Variants in KCNAB1 observed in about 807,000 individuals in gnomAD.
The protein encoded by KCNAB1 is voltage-gated potassium channel subunit beta-1.
A neutral mutation model predicts 64.6 loss-of-function variants in KCNAB1; 35 were observed. That is an observed-to-expected ratio of 0.54 (90% confidence interval 0.41 to 0.72). The LOEUF is 0.72. Among genes scored for constraint, KCNAB1 ranks in the 30% least tolerant of loss-of-function variants. KCNAB1 has a pLI of 0.00. For synonymous variants in KCNAB1, 177 were observed against 183.8 expected (o/e 0.96, Z 0.30); for missense variants, 401 against 512.9 (o/e 0.78, Z 2.11).
rs370741753 is a variant in KCNAB1, at chr3:156,531,390, C to G, written c.1082-19C>G. On this transcript the variant is annotated intron_variant, in intron 12 of 13. Coordinates refer to ENST00000490337, the MANE Select transcript of KCNAB1 (RefSeq NM_172160.3). ...TTGGAAGTGCTTTGATAAACTGACC[C>G]AGTGTCCTCTCCTCCCAGCGTGGTG... The G allele has an allele frequency of 3.0e-5, 48 of 1,581,202 alleles. No individual in the cohort carries two copies. In the African/African-American group the frequency reaches 6.3e-4, roughly 21 times the overall value.
At chr3:156,398,961 C>T (rs1377041274) in intron 1 of KCNAB1, among the ~76,000 whole-genome samples, 4 of 152,078 alleles carry the variant, frequency 2.6e-5, no homozygotes, top group Non-Finnish European at 5.9e-5. Context: ...CCATGATTGG[C>T]CACCCAGATG....
intron 1 of KCNAB1, among the ~76,000 whole-genome samples, chr3:156,315,435 C>T (rs1301628030): frequency 6.6e-6 from 1 of 152,176 alleles, no homozygotes; most frequent in African/African-American, 2.4e-5. Flanking sequence ...ACCAGGAGCA[C>T]CTTGCTCACT....
At chr3:156,436,716 T>C (rs1376017394) in intron 2 of KCNAB1, among the ~76,000 whole-genome samples, 1 of 152,234 alleles carries the variant, frequency 6.6e-6, no homozygotes, top group Non-Finnish European at 1.5e-5. Flanking sequence ...AATGTCTTCT[T>C]TTGAGAAGTG....
At chr3:156,521,357 GATCA>G (rs766949320) in intron 11 of KCNAB1, among the ~76,000 whole-genome samples, 2 of 152,124 alleles carry the variant, frequency 1.3e-5, no homozygotes, top group Non-Finnish European at 2.9e-5. Context: ...GAGGTGTCAT[GATCA>G]ATCTGAAAAA....
intron 1 of KCNAB1, among the ~76,000 whole-genome samples, chr3:156,122,668 G>A (rs775052045): frequency 2.3e-4 from 35 of 152,144 alleles, no homozygotes; most frequent in Non-Finnish European, 3.8e-4. Flanking sequence ...TGTTTCCCTT[G>A]TTTAGTAAAA....
chr3:156,179,626 C>T (rs182066705), intron 1 of KCNAB1, among the ~76,000 whole-genome samples: 45 of 152,254 alleles, frequency 3.0e-4, no homozygotes, highest in Non-Finnish European at 5.0e-4. Flanking sequence ...CATGAAATGA[C>T]TCTGTAAAAG....
In KCNAB1 at chr3:156,284,991, G is replaced by C. The variant is rs866016301; in HGVS notation, c.276-136625G>C. 5.9e-5 allele frequency among the ~76,000 whole-genome samples: 9 copies of C among 152,150 alleles called. 2 individuals carry two copies. In the Middle Eastern group the frequency reaches 0.024, roughly 403 times the overall value. On this transcript the variant is annotated intron_variant, in intron 1 of 13. Transcript: ENST00000490337. ...ATTCGGCCATCTTGGCTCCTCCCCC[G>C]GGGAATACTTTAACCAATTTTTTTC...
At chr3:156,294,254 AAGTT>A (rs1312516007) in intron 1 of KCNAB1, among the ~76,000 whole-genome samples, 2 of 152,190 alleles carry the variant, frequency 1.3e-5, no homozygotes, top group South Asian at 4.1e-4. Flanking sequence ...CTCTAACAAA[AAGTT>A]AGCCACTGGG....
intron 1 of KCNAB1, among the ~76,000 whole-genome samples, chr3:156,299,774 A>T (rs964518263): frequency 6.6e-6 from 1 of 152,138 alleles, no homozygotes. Flanking sequence ...CACACAGGCC[A>T]TCTGGTCTAG....
chr3:156,500,828 C>G (rs933822612), intron 8 of KCNAB1, among the ~76,000 whole-genome samples: 1 of 152,170 alleles, frequency 6.6e-6, no homozygotes, highest in African/African-American at 2.4e-5. Context: ...GAAGTATCAT[C>G]ATCAATGGCA....
intron 1 of KCNAB1, among the ~76,000 whole-genome samples, chr3:156,372,300 T>C (rs1222224132): frequency 6.6e-6 from 1 of 152,204 alleles, no homozygotes; most frequent in Admixed American, 6.5e-5. Flanking sequence ...TTGGGTAAGT[T>C]ACTTAATATC....
intron 8 of KCNAB1, among the ~76,000 whole-genome samples, chr3:156,499,252 G>T (rs1716216521): frequency 6.6e-6 from 1 of 152,096 alleles, no homozygotes; most frequent in African/African-American, 2.4e-5. Context: ...TCCTGATTTG[G>T]CTCCTTCTGC....
chr3:156,208,866 G>A (rs1405442973), intron 1 of KCNAB1, among the ~76,000 whole-genome samples: 2 of 152,174 alleles, frequency 1.3e-5, no homozygotes, highest in African/African-American at 2.4e-5. Context: ...TATTGGAAGT[G>A]GCCATCAGGC....
intron 7 of KCNAB1, among the ~76,000 whole-genome samples, chr3:156,468,054 T>C (rs1411637650): frequency 1.3e-5 from 2 of 152,168 alleles, no homozygotes; most frequent in East Asian, 3.8e-4. Context: ...ACTTTTTGCT[T>C]GGTCATATGT....
intron 1 of KCNAB1, among the ~76,000 whole-genome samples, chr3:156,366,616 A>G (rs1301414992): frequency 1.3e-5 from 2 of 152,170 alleles, no homozygotes; most frequent in African/African-American, 4.8e-5. Flanking sequence ...TTGAGGGATA[A>G]CCAAATCAGG....
rs149884793 is a variant in KCNAB1, at chr3:156,137,255, G to T, written c.275+16369G>T. Among the ~76,000 whole-genome samples the T allele has an allele frequency of 6.2e-3, 939 of 151,834 alleles. 19 individuals carry two copies. The highest frequency in any genetic ancestry group is 0.022 in the African/African-American group (900 of 41,250). On this transcript the variant is annotated intron_variant, in intron 1 of 13. Coordinates refer to ENST00000490337, the MANE Select transcript of KCNAB1 (RefSeq NM_172160.3). The stretch of plus-strand genomic sequence containing the variant: ...GGATTGTTTTTATGCTATAACGCAG[G>T]AGTATACAGTAGATAAGCAGTAGGG...
intron 1 of KCNAB1, among the ~76,000 whole-genome samples, chr3:156,323,798 C>T (rs558981950): frequency 2.0e-4 from 30 of 152,222 alleles, no homozygotes; most frequent in East Asian, 1.5e-3. Context: ...TTATACTATC[C>T]GGAATTTGCA....
intron 1 of KCNAB1, among the ~76,000 whole-genome samples, chr3:156,414,591 A>C (rs1369764928): frequency 6.6e-6 from 1 of 152,240 alleles, no homozygotes; most frequent in South Asian, 2.1e-4. Context: ...TCTTGCCTAC[A>C]CTGAGAATGG....
rs1008740619 is a variant in KCNAB1 at position 156,333,974 on chromosome 3, A to C, written c.276-87642A>C. On this transcript the variant is annotated intron_variant, in intron 1 of 13. Transcript: ENST00000490337. ...TAAAAAAATTATCTTTTTAGATATCAGGCAGAAAACAAATGATATTTTCCC... is the reference window on the plus strand; with the variant it reads ...TAAAAAAATTATCTTTTTAGATATCCGGCAGAAAACAAATGATATTTTCCC... Among the ~76,000 whole-genome samples, 3 of 152,272 alleles carry C rather than the reference A, an allele frequency of 2.0e-5. No individual in the cohort carries two copies. In the East Asian group the frequency reaches 5.8e-4, roughly 29 times the overall value.
Sources: gnomAD v4.1 joint callset for allele counts (sites outside exome capture counted in the v4.1 genomes callset) on GRCh38, gnomAD v4.1.1 for gene constraint, MANE v1.5 for transcripts, NCBI Gene and HGNC (gene_info 2026-07-23, HGNC 2026-07-21) for gene names.